SLC8A1: variants seen among roughly 807,000 people sequenced by gnomAD.
SLC8A1 encodes sodium/calcium exchanger 1.
In SLC8A1, 18 loss-of-function variants were observed where a neutral mutation model predicts 68.3. The ratio of observed to expected loss-of-function variants is 0.26; its 90% CI spans 0.18 to 0.39. SLC8A1 has a LOEUF of 0.39. Among genes scored for constraint, SLC8A1 ranks in the 10% least tolerant of loss-of-function variants. SLC8A1 has a pLI of 1.00. For missense variants in SLC8A1, 985 were observed against 1,156.7 expected (o/e 0.85, Z 2.15); for synonymous variants, 475 against 415.5 (o/e 1.14, Z -1.74).
intron 2 of SLC8A1, among the ~76,000 whole-genome samples, chr2:40,247,766 G>A (rs990963944): frequency 2.3e-4 from 35 of 152,166 alleles, no homozygotes; most frequent in Admixed American, 2.2e-3. Context: ...ATCCCTGGAA[G>A]CCCTCATTTC....
exon 8 of SLC8A1, chr2:40,113,117 G>A (rs1465068757): frequency 3.3e-5 from 5 of 152,190 alleles, no homozygotes; most frequent in African/African-American, 1.2e-4. Context: ...TTAGTCCCCA[G>A]AAAGTATCAT....
intron 1 of SLC8A1, among the ~76,000 whole-genome samples, chr2:40,471,220 GA>G (rs961167648): frequency 6.6e-5 from 10 of 152,138 alleles, no homozygotes; most frequent in African/African-American, 9.7e-5. Flanking sequence ...TTATAGGGAA[GA>G]AAAAACTTCA....
intron 2 of SLC8A1, among the ~76,000 whole-genome samples, chr2:40,407,604 C>G (rs1371914528): frequency 3.3e-5 from 5 of 152,194 alleles, no homozygotes; most frequent in Non-Finnish European, 7.3e-5. Flanking sequence ...GAAAGAATAT[C>G]ACAGCTCTAT....
intron 2 of SLC8A1, among the ~76,000 whole-genome samples, chr2:40,369,412 G>A (rs867866633): frequency 6.6e-6 from 1 of 152,100 alleles, no homozygotes; most frequent in Non-Finnish European, 1.5e-5. Context: ...TTGGAAACAA[G>A]TATCAGCACA....
At chr2:40,372,713 A>G (rs912578134) in intron 2 of SLC8A1, among the ~76,000 whole-genome samples, 24 of 152,098 alleles carry the variant, frequency 1.6e-4, no homozygotes, top group Admixed American at 6.6e-5. Context: ...AGACACTTCC[A>G]GACTAAGTTT....
chr2:40,307,272 T>C (rs1209469724), intron 2 of SLC8A1, among the ~76,000 whole-genome samples: 1 of 152,154 alleles, frequency 6.6e-6, no homozygotes, highest in African/African-American at 2.4e-5. Flanking sequence ...TTGGAGACAT[T>C]GTGCTAAGTG....
chr2:40,288,604 T>C (rs2068718290), intron 2 of SLC8A1, among the ~76,000 whole-genome samples: 3 of 152,028 alleles, frequency 2.0e-5, no homozygotes, highest in Admixed American at 2.0e-4. Context: ...CAGTTATGTA[T>C]ACCTCTCCCC....
chr2:40,417,304 G>GATCCT (rs1290512824), intron 2 of SLC8A1, among the ~76,000 whole-genome samples: 1 of 151,726 alleles, frequency 6.6e-6, no homozygotes, highest in African/African-American at 2.4e-5. Flanking sequence ...TTTTTTTTCT[G>GATCCT]ATCCTCTCCC....
intron 2 of SLC8A1, among the ~76,000 whole-genome samples, chr2:40,215,589 A>T (rs2057334528): frequency 7.2e-6 from 1 of 139,070 alleles, no homozygotes. Flanking sequence ...GTGAGCCGAG[A>T]TTGTGCCACT....
At chr2:40,106,729 T>C (rs2034221342) in exon 8 of SLC8A1, 1 of 152,208 alleles carries the variant, frequency 6.6e-6, no homozygotes, top group African/African-American at 2.4e-5. Flanking sequence ...TCCATTATAA[T>C]ATGATGTTAT....
At chr2:40,441,296 A>C (rs1034860330) in intron 1 of SLC8A1, among the ~76,000 whole-genome samples, 2 of 152,144 alleles carry the variant, frequency 1.3e-5, no homozygotes, top group African/African-American at 4.8e-5. Flanking sequence ...ATGGAAAAAC[A>C]TTCCATGTTC....
intron 7 of SLC8A1, among the ~76,000 whole-genome samples, chr2:40,137,990 C>T (rs896269136): frequency 3.9e-5 from 6 of 152,078 alleles, no homozygotes; most frequent in African/African-American, 1.4e-4. Flanking sequence ...TTATACTGTT[C>T]AGATCATCCT....
At chr2:40,392,149 AAAAG>A (rs931612028) in intron 2 of SLC8A1, among the ~76,000 whole-genome samples, 31 of 152,076 alleles carry the variant, frequency 2.0e-4, no homozygotes, top group African/African-American at 7.2e-4. Flanking sequence ...AATGAAAAAT[AAAAG>A]AAAGAAAAAA....
intron 7 of SLC8A1, among the ~76,000 whole-genome samples, chr2:40,135,040 G>T (rs2148244240): frequency 6.6e-6 from 1 of 152,320 alleles, no homozygotes; most frequent in South Asian, 2.1e-4. Flanking sequence ...TTGTGTAAAT[G>T]AAGGGGATAT....
At chr2:40,483,464 G>C (rs1281449199) in intron 1 of SLC8A1, among the ~76,000 whole-genome samples, 1 of 152,086 alleles carries the variant, frequency 6.6e-6, no homozygotes, top group Non-Finnish European at 1.5e-5. Context: ...TCAGCACTTG[G>C]AGAGGAGAGA....
intron 2 of SLC8A1, among the ~76,000 whole-genome samples, chr2:40,274,206 A>C (rs2066413899): frequency 6.7e-6 from 1 of 148,816 alleles, no homozygotes; most frequent in Non-Finnish European, 1.5e-5. Flanking sequence ...CTCCATGATC[A>C]CATTTGCATA....
intron 2 of SLC8A1, among the ~76,000 whole-genome samples, chr2:40,313,186 A>G (rs2073971323): frequency 6.6e-6 from 1 of 152,062 alleles, no homozygotes; most frequent in Non-Finnish European, 1.5e-5. Context: ...ATAATCCATT[A>G]TGTACTTTGG....
chr2:40,290,741 A>G (rs1171445782), intron 2 of SLC8A1, among the ~76,000 whole-genome samples: 1 of 152,178 alleles, frequency 6.6e-6, no homozygotes. Flanking sequence ...CTACAGCTAT[A>G]ATAATGAGTA....
At chr2:40,350,022 G>C (rs12611608) in intron 2 of SLC8A1, among the ~76,000 whole-genome samples, 89,186 of 152,048 alleles carry the variant, frequency 0.59, 26,966 homozygotes, top group East Asian at 0.87. Context: ...GAGCTTTGCT[G>C]TAGACTATGC....
Sources: allele counts gnomAD v4.1 joint callset (sites outside exome capture counted in the v4.1 genomes callset), GRCh38; gene constraint gnomAD v4.1.1; transcripts MANE v1.5; gene names NCBI Gene and HGNC (gene_info 2026-07-23, HGNC 2026-07-21).